The following CYP4V2 variants were observed in gnomAD, a reference collection of about 807,000 sequenced individuals.
CYP4V2 encodes the protein cytochrome P450 family 4 subfamily V member 2, also known as cytochrome P450 4V2.
CYP4V2 carries 55 observed loss-of-function variants against 60.8 expected under a neutral mutation model. The observed-to-expected ratio is 0.90, with a 90% CI of 0.73 to 1.13. The LOEUF is 1.13. Ranked by LOEUF, CYP4V2 falls within the 50% of genes most tolerant of loss-of-function variation. The pLI, the probability that CYP4V2 is intolerant of heterozygous loss-of-function variation, is 0.00. For missense variants in CYP4V2, 675 were observed against 662.9 expected, an observed-to-expected ratio of 1.02 and a Z score of -0.20; for synonymous variants, 239 against 236.8, an observed-to-expected ratio of 1.01 and a Z score of -0.08.
In CYP4V2 at chr4:186,191,916, G is replaced by T; in HGVS notation, c.93G>T (p.Leu31=). 6.3e-7 allele frequency: 1 copy of T among 1,594,290 alleles called. No homozygotes were observed. ...ALSLAGASLV[L]SLLQRVASYA... is the part of the protein sequence containing the mutation. Reference sequence around the variant, plus strand: ...CCCTGGCCGGCGCCAGTCTGGTCCTGAGCCTGCTGCAGAGGGTGGCGAGCT... The same window carrying T: ...CCCTGGCCGGCGCCAGTCTGGTCCTTAGCCTGCTGCAGAGGGTGGCGAGCT... The change falls in exon 1 of 11, where the codon CTG becomes CTT. Residue 31 remains leucine, a synonymous_variant. Coordinates refer to ENST00000378802, the MANE Select transcript of CYP4V2 (RefSeq NM_207352.4).
intron 1 of CYP4V2, among the ~76,000 whole-genome samples, chr4:186,193,858 T>C (rs563671724): frequency 6.6e-6 from 1 of 152,346 alleles, no homozygotes; most frequent in African/African-American, 2.4e-5. Flanking sequence ...CCTTGAAGAT[T>C]GCAGTTGGCT....
At chr4:186,197,253 G>T in intron 4 of CYP4V2, 123 bp downstream of exon 4, 2 of 1,247,428 alleles carry the variant, frequency 1.6e-6, no homozygotes, top group Non-Finnish European at 2.3e-6. Flanking sequence ...CTTCAGCGCG[G>T]TTCTACGACC....
At position 186,201,436 on chromosome 4, in the gene CYP4V2, G is replaced by C. The variant is rs191313695; in HGVS notation, c.987+94G>C. On this transcript the variant is annotated intron_variant, in intron 7 of 10. Transcript: ENST00000378802. ...TTTTTTAAAACAATCAAATTTTAAA[G>C]TAGTTTAACTAAAGAAGATTCATTA... 5.6e-4 allele frequency: 764 copies of C among 1,365,890 alleles called. 3 individuals carry two copies. The African/African-American group carries it at 8.4e-3, about 15-fold the overall frequency. 84.6% of individuals were successfully genotyped at this position (1,365,890 alleles called of 1,614,324 possible). A position where few individuals can be genotyped will look rare whatever the true frequency, so the allele number is the denominator to read the frequency against.
At position 186,213,071 on chromosome 4, in the gene CYP4V2, C is replaced by G. The variant is rs1409791567; in HGVS notation, c.*2430C>G. ...TCCCTTACATTTTGTTTTTAGTGACCCTACATGACATTAAATTTAAAGTAA... is the reference window on the plus strand; with the variant it reads ...TCCCTTACATTTTGTTTTTAGTGACGCTACATGACATTAAATTTAAAGTAA... On this transcript the variant is annotated 3_prime_UTR_variant, in exon 11 of 11. Transcript: ENST00000378802. The G allele has an allele frequency of 6.6e-6, 1 of 151,930 alleles. No individual in the cohort carries two copies. Among genetic ancestry groups the G allele is most frequent in the Non-Finnish European group, 1.5e-5 (1 of 68,010 alleles). The allele number at this position is 151,930 out of a possible 1,614,324, so 9.4% of individuals were successfully genotyped here.
rs769884383 is a variant in CYP4V2 at position 186,195,943 on chromosome 4, A to G, written c.328-60A>G. 4.9e-6 allele frequency: 6 copies of G among 1,219,534 alleles called. No homozygotes were observed. The highest frequency in any genetic ancestry group is 6.0e-6 in the Non-Finnish European group (5 of 826,814). The allele number at this position is 1,219,534 out of a possible 1,614,324, so 75.5% of individuals were successfully genotyped here. ...GCTGTATTCTAGCCAGTATTCCTATAATTACAGGAAGGTTGTTTGATGTCT... is the reference window on the plus strand; with the variant it reads ...GCTGTATTCTAGCCAGTATTCCTATGATTACAGGAAGGTTGTTTGATGTCT... On this transcript the variant is annotated intron_variant, in intron 2 of 10. Transcript: ENST00000378802. The surrounding 1 kb of genome is among the most constrained non-coding windows in gnomAD (Gnocchi z 4.1).
chr4:186,198,495 A>C (rs1022443736), intron 5 of CYP4V2, among the ~76,000 whole-genome samples: 1 of 152,136 alleles, frequency 6.6e-6, no homozygotes, highest in Non-Finnish European at 1.5e-5. Flanking sequence ...GCTGGACATG[A>C]AAGGGAGGTG....
In CYP4V2 at chr4:186,194,597, T is replaced by G. The variant is rs755855410; in HGVS notation, c.312T>G (p.Asn104Lys). Reference sequence around the variant, plus strand: ...CAGTGCCCATGGTGGCCCTTTATAATGCAGAAAATGTGGAGGTGGGTACAT... The same window carrying G: ...CAGTGCCCATGGTGGCCCTTTATAAGGCAGAAAATGTGGAGGTGGGTACAT... ...VGPVPMVALY[N>K]AENVEVILTS... Residue 104 changes from asparagine to lysine, a missense_variant, in exon 2 of 11, where the codon AAT (asparagine) becomes AAG (lysine). Transcript: ENST00000378802. 3 of 1,613,944 alleles carry G rather than the reference T, an allele frequency of 1.9e-6. No homozygotes were observed. The highest frequency in any genetic ancestry group is 2.5e-6 in the Non-Finnish European group (3 of 1,179,934).
In CYP4V2 at chr4:186,212,800, G is replaced by T. The variant is rs1325490365; in HGVS notation, c.*2159G>T. 1.3e-5 allele frequency: 2 copies of T among 152,174 alleles called. No individual in the cohort carries two copies. Among genetic ancestry groups the T allele is most frequent in the African/African-American group, 2.4e-5 (1 of 41,442 alleles). 9.4% of individuals were successfully genotyped at this position (152,174 alleles called of 1,614,324 possible). The stretch of plus-strand genomic sequence containing the variant: ...CTGTAGCCTGGGCCATTTAAGACAG[G>T]GGCGGTCTCAGCCAAATTGCACCCA... On this transcript the variant is annotated 3_prime_UTR_variant, in exon 11 of 11. Transcript: ENST00000378802.
At chr4:186,204,797 T>C (rs1579972079) in intron 7 of CYP4V2, 1 of 201,032 alleles carries the variant, frequency 5.0e-6, no homozygotes, top group Non-Finnish European at 1.0e-5. Flanking sequence ...CTCTACCCCC[T>C]GGTGCCCGTC....
intron 5 of CYP4V2, among the ~76,000 whole-genome samples, chr4:186,198,664 G>C (rs1736223790): frequency 6.6e-6 from 1 of 152,194 alleles, no homozygotes. Flanking sequence ...GTCCTAGGCA[G>C]AGTGGGAAAC....
At position 186,192,249 on chromosome 4, in the gene CYP4V2, T is replaced by G. The variant is rs1412009228; in HGVS notation, c.214+212T>G. Reference sequence around the variant, plus strand: ...CCAAAGTGAGCATTTTCTTTGTGTGTAGCACAGGATGCGGTATTTCCAAAC... The same window carrying G: ...CCAAAGTGAGCATTTTCTTTGTGTGGAGCACAGGATGCGGTATTTCCAAAC... On this transcript the variant is annotated intron_variant, in intron 1 of 10. Coordinates refer to ENST00000378802, the MANE Select transcript of CYP4V2 (RefSeq NM_207352.4). The G allele has an allele frequency of 4.2e-6, 3 of 720,792 alleles. No homozygotes were observed. In the East Asian group the frequency reaches 8.0e-5, roughly 19 times the overall value. The allele number at this position is 720,792 out of a possible 1,614,324, so 44.6% of individuals were successfully genotyped here. A position where few individuals can be genotyped will look rare whatever the true frequency, so the allele number is the denominator to read the frequency against.
rs3736455 is a variant in CYP4V2, at chr4:186,201,165, T to G, written c.810T>G (p.Ala270=). The change falls in exon 7 of 11, where the codon GCT becomes GCG. Residue 270 remains alanine, a synonymous_variant. Transcript: ENST00000378802. ...ILHTFTNSVI[A]ERANEMNANE... ...TCATTCAAATCATACAGGTCATCGCTGAACGGGCCAATGAAATGAACGCCA... is the reference window on the plus strand; with the variant it reads ...TCATTCAAATCATACAGGTCATCGCGGAACGGGCCAATGAAATGAACGCCA... The G allele has an allele frequency of 0.64, 1,029,875 of 1,612,346 alleles. 333,647 individuals carry two copies. Among genetic ancestry groups the G allele is most frequent in the Non-Finnish European group, 0.66 (783,707 of 1,178,948 alleles).
In CYP4V2 at chr4:186,191,766, C is replaced by G; in HGVS notation, c.-58C>G. ...GTGTGCGGCCGGCACCGCCTCGCAC[C>G]ACGCCCCCGCGGGCCCGCACTTTCC... On this transcript the variant is annotated 5_prime_UTR_variant, in exon 1 of 11. Coordinates refer to ENST00000378802, the MANE Select transcript of CYP4V2 (RefSeq NM_207352.4). The G allele has an allele frequency of 7.2e-7, 1 of 1,392,132 alleles. No individual in the cohort carries two copies. The highest frequency in any genetic ancestry group is 1.6e-5 in the South Asian group (1 of 62,490). The allele number at this position is 1,392,132 out of a possible 1,614,324, so 86.2% of individuals were successfully genotyped here.
chr4:186,208,855 C>T lies in CYP4V2; in HGVS notation c.1091-10C>T, dbSNP rs775427790. The stretch of plus-strand genomic sequence containing the variant: ...TCTTTCAGGTCATCTTATCTACTTG[C>T]TTTCATCAGGGAAGTCTGACCGTCC... On this transcript the variant is annotated splice_polypyrimidine_tract_variant and intron_variant, in intron 8 of 10. Transcript: ENST00000378802. The T allele has an allele frequency of 1.2e-6, 2 of 1,614,070 alleles. No individual in the cohort carries two copies. Among genetic ancestry groups the T allele is most frequent in the African/African-American group, 1.3e-5 (1 of 74,934 alleles).
rs1221029496 is a variant in CYP4V2 at position 186,210,554 on chromosome 4, A to G, written c.1491A>G (p.Glu497=). ...HFWIESNQKR[E]ELGLEGQLIL... Reference sequence around the variant, plus strand: ...GGATAGAATCCAACCAGAAAAGAGAAGAGCTTGGTCTAGAAGGACAGTTGA... The same window carrying G: ...GGATAGAATCCAACCAGAAAAGAGAGGAGCTTGGTCTAGAAGGACAGTTGA... The change falls in exon 11 of 11, where the codon GAA becomes GAG. Residue 497 remains glutamate, a synonymous_variant. Coordinates refer to ENST00000378802, the MANE Select transcript of CYP4V2 (RefSeq NM_207352.4). The G allele has an allele frequency of 2.5e-6, 4 of 1,614,106 alleles. No individual in the cohort carries two copies. Among genetic ancestry groups the G allele is most frequent in the Non-Finnish European group, 3.4e-6 (4 of 1,180,044 alleles).
At chr4:186,197,480 G>A (rs562165079) in intron 4 of CYP4V2, 53 bp from the exon 5 acceptor site, 91 of 1,569,398 alleles carry the variant, frequency 5.8e-5, no homozygotes, top group African/African-American at 6.8e-5. Flanking sequence ...AAATAAACAC[G>A]AGATAACTAA....
chr4:186,199,394 T>C (rs1004453965), intron 6 of CYP4V2, among the ~76,000 whole-genome samples: 3 of 152,198 alleles, frequency 2.0e-5, no homozygotes, highest in African/African-American at 7.2e-5. Flanking sequence ...CAAATATTAA[T>C]TAAGTACTCG....
chr4:186,203,538 C>T (rs1736391345), intron 7 of CYP4V2: 1 of 152,322 alleles, frequency 6.6e-6, no homozygotes, highest in Non-Finnish European at 1.5e-5. Flanking sequence ...CACCAGTGTG[C>T]CTCGGTGCTT....
intron 5 of CYP4V2, 102 bp from the exon 6 acceptor site, chr4:186,198,855 G>A (rs1736228170): frequency 1.3e-6 from 2 of 1,571,050 alleles, no homozygotes; most frequent in Non-Finnish European, 8.7e-7. Context: ...GACAATCATC[G>A]TCATTCCCAC....
Sources: allele counts gnomAD v4.1 joint callset (sites outside exome capture counted in the v4.1 genomes callset), GRCh38; gene constraint gnomAD v4.1.1; non-coding constraint Gnocchi (gnomAD v3.1); transcripts MANE v1.5; gene names NCBI Gene and HGNC (gene_info 2026-07-23, HGNC 2026-07-21).